Variants in COIL observed in about 807,000 individuals in gnomAD.
COIL encodes coilin.
Under a neutral mutation model 51.6 loss-of-function variants are expected in COIL, and 28 were observed. That is an observed-to-expected ratio of 0.54 (90% confidence interval 0.40 to 0.74). The LOEUF is 0.74. COIL is among the 30% of genes least tolerant of loss of function. The pLI, the probability that COIL is intolerant of heterozygous loss-of-function variation, is 0.00. For missense variants in COIL, 667 were observed against 685.9 expected, an observed-to-expected ratio of 0.97 and a Z score of 0.31; for synonymous variants, 233 against 255.8, an observed-to-expected ratio of 0.91 and a Z score of 0.85.
intron 1 of COIL, among the ~76,000 whole-genome samples, chr17:56,960,535 AAT>A (rs1910571411): frequency 9.0e-6 from 1 of 111,370 alleles, no homozygotes. Flanking sequence ...AAAAAAAAAA[AAT>A]AATAATAAAA....
chr17:56,946,226 A>G (rs557349214), intron 5 of COIL, among the ~76,000 whole-genome samples: 5 of 152,284 alleles, frequency 3.3e-5, no homozygotes, highest in African/African-American at 1.2e-4. Flanking sequence ...ATAATCTTTT[A>G]TGAAATTATA....
rs1266588685 is a variant in COIL at position 56,950,375 on chromosome 17, T to C, written c.867A>G (p.Thr289=). The C allele has an allele frequency of 2.5e-6, 4 of 1,614,190 alleles. No individual in the cohort carries two copies. Among genetic ancestry groups the C allele is most frequent in the Non-Finnish European group, 3.4e-6 (4 of 1,180,036 alleles). The change falls in exon 2 of 7, where the codon ACA becomes ACG. Residue 289 remains threonine, a synonymous_variant. Transcript: ENST00000240316. ...LSKEEPSTKN[T]TADKLAIKLG... ...GTTTTATAGCCAGTTTGTCTGCAGT[T>C]GTATTTTTGGTAGAGGGTTCTTCCT...
At position 56,960,781 on chromosome 17, in the gene COIL, C is replaced by T. The variant is rs1910579963; in HGVS notation, c.239G>A (p.Cys80Tyr). The T allele has an allele frequency of 1.3e-6, 2 of 1,573,108 alleles. No homozygotes were observed. The highest frequency in any genetic ancestry group is 1.7e-6 in the Non-Finnish European group (2 of 1,160,920). Reference protein sequence around the residue: ...ESARLVRDNDCLRVKLEERGV... With the variant: ...ESARLVRDNDYLRVKLEERGV... Reference sequence around the variant, plus strand: ...CGCTCCCTGCGCCGCGCACCTGAGGCAGTCGTTGTCTCTCACAAGGCGCGC... The same window carrying T: ...CGCTCCCTGCGCCGCGCACCTGAGGTAGTCGTTGTCTCTCACAAGGCGCGC... The change falls in exon 1 of 7, where the codon TGC becomes TAC. Residue 80 changes from cysteine to tyrosine, a missense_variant. Transcript: ENST00000240316.
rs554792654 is a variant in COIL, at chr17:56,951,962, C to T, written c.246-966G>A. Reference sequence around the variant, plus strand: ...ATTACAGGCGCCTGCCACTATGCCTCGCTAATTTTTGTATTTTTAGTAGAG... The same window carrying T: ...ATTACAGGCGCCTGCCACTATGCCTTGCTAATTTTTGTATTTTTAGTAGAG... On this transcript the variant is annotated intron_variant, in intron 1 of 6. Coordinates refer to ENST00000240316, the MANE Select transcript of COIL (RefSeq NM_004645.3). The T allele has an allele frequency of 2.0e-3, 367 of 184,998 alleles. 1 individual carries two copies. The highest frequency in any genetic ancestry group is 8.2e-3 in the African/African-American group (342 of 41,734). 11.5% of individuals were successfully genotyped at this position (184,998 alleles called of 1,614,324 possible). A position where few individuals can be genotyped will look rare whatever the true frequency, so the allele number is the denominator to read the frequency against.
chr17:56,940,866 G>A (rs919007827), intron 6 of COIL, among the ~76,000 whole-genome samples: 1 of 152,126 alleles, frequency 6.6e-6, no homozygotes, highest in Non-Finnish European at 1.5e-5. Flanking sequence ...CGGGCGCGGT[G>A]GCTCACACGT....
chr17:56,946,727 T>C (rs1910256284), intron 4 of COIL, among the ~76,000 whole-genome samples: 1 of 152,210 alleles, frequency 6.6e-6, no homozygotes, highest in African/African-American at 2.4e-5. Context: ...GAAATATCTT[T>C]AGAGGCAAAA....
intron 1 of COIL, among the ~76,000 whole-genome samples, chr17:56,951,955 T>C (rs1024086074): frequency 6.6e-6 from 1 of 151,962 alleles, no homozygotes; most frequent in Non-Finnish European, 1.5e-5. Flanking sequence ...CGCCTGCCAC[T>C]ATGCCTCGCT....
intron 1 of COIL, among the ~76,000 whole-genome samples, chr17:56,955,481 C>T (rs985694147): frequency 6.6e-6 from 1 of 152,244 alleles, no homozygotes; most frequent in African/African-American, 2.4e-5. Flanking sequence ...GAAACACTGA[C>T]ATGCCCATCT....
At position 56,950,580 on chromosome 17, in the gene COIL, C is replaced by T; in HGVS notation, c.662G>A (p.Gly221Asp). The T allele has an allele frequency of 6.2e-7, 1 of 1,614,224 alleles. No individual in the cohort carries two copies. ...WANQRCSSPK[G>D]SARNSLVKAK... Reference sequence around the variant, plus strand: ...TTTAACAAGGCTGTTTCTAGCAGAACCTTTTGGAGAACTACATCTCTGATT... The same window carrying T: ...TTTAACAAGGCTGTTTCTAGCAGAATCTTTTGGAGAACTACATCTCTGATT... The change falls in exon 2 of 7, where the codon GGT becomes GAT. Residue 221 changes from glycine to aspartate, a missense_variant. By Grantham distance (94) the Gly-to-Asp change is moderately conservative (BLOSUM62 -1). Coordinates refer to ENST00000240316, the MANE Select transcript of COIL (RefSeq NM_004645.3).
intron 1 of COIL, among the ~76,000 whole-genome samples, chr17:56,953,271 C>T (rs545188461): frequency 1.5e-3 from 234 of 151,776 alleles, no homozygotes; most frequent in Non-Finnish European, 2.7e-3. Flanking sequence ...ATTAGCCAGG[C>T]GTGGTGGCGG....
At chr17:56,953,410 C>CAAAAAAAAAA (rs11382949) in intron 1 of COIL, among the ~76,000 whole-genome samples, 3 of 84,486 alleles carry the variant, frequency 3.6e-5, no homozygotes, top group African/African-American at 4.5e-5. Flanking sequence ...GACTCCGTCT[C>CAAAAAAAAAA]AAAAAAAAAA....
chr17:56,955,079 T>A (rs572743329), intron 1 of COIL, among the ~76,000 whole-genome samples: 1 of 152,230 alleles, frequency 6.6e-6, no homozygotes, highest in Non-Finnish European at 1.5e-5. Context: ...ACTTTTCTTT[T>A]TTCGAGATGG....
chr17:56,947,195 A>G (rs1439314410), intron 4 of COIL, among the ~76,000 whole-genome samples: 1 of 152,136 alleles, frequency 6.6e-6, no homozygotes, highest in African/African-American at 2.4e-5. Flanking sequence ...AGCACAGTCA[A>G]CAGTTTTTTT....
At position 56,950,826 on chromosome 17, in the gene COIL, T is replaced by C. The variant is rs1910354925; in HGVS notation, c.416A>G (p.Asn139Ser). The change falls in exon 2 of 7, where the codon AAT (asparagine) becomes AGT (serine). Residue 139 changes from asparagine (N) to serine (S), a missense_variant. Coordinates refer to ENST00000240316, the MANE Select transcript of COIL (RefSeq NM_004645.3). ...ATCCAAGACCTTCTCATTATTGTTA[T>C]TGTTCTCTCGACTCTTCCAATGCTT... ...SKKHWKSREN[N>S]NNNEKVLDLE... 2 of 1,614,026 alleles carry C rather than the reference T, an allele frequency of 1.2e-6. No individual in the cohort carries two copies. Among genetic ancestry groups the C allele is most frequent in the Non-Finnish European group, 1.7e-6 (2 of 1,180,050 alleles).
intron 1 of COIL, among the ~76,000 whole-genome samples, chr17:56,954,808 A>C (rs1219020051): frequency 6.8e-6 from 1 of 147,688 alleles, no homozygotes; most frequent in Non-Finnish European, 1.5e-5. Context: ...ATCTGGGAAG[A>C]AAAAAAAAAA....
intron 5 of COIL, among the ~76,000 whole-genome samples, chr17:56,943,663 A>G (rs986051717): frequency 6.6e-6 from 1 of 152,248 alleles, no homozygotes; most frequent in Non-Finnish European, 1.5e-5. Flanking sequence ...GTAATGGATC[A>G]TGACGCGTAT....
At position 56,950,672 on chromosome 17, in the gene COIL, T is replaced by TA. The variant is rs1399198260; in HGVS notation, c.569_570insT (p.Lys190AsnfsTer3). On this transcript the variant is annotated frameshift_variant, in exon 2 of 7. Coordinates refer to ENST00000240316, the MANE Select transcript of COIL (RefSeq NM_004645.3). LOFTEE classifies it high-confidence loss of function. ...TCTTAGCCTTTTTTTTATATTCACA[T>TA]TTCTCCTTTTTCTTTGGTGATTTTC... 3 of 1,610,198 alleles carry TA rather than the reference T, an allele frequency of 1.9e-6. No individual in the cohort carries two copies. Among genetic ancestry groups the TA allele is most frequent in the Middle Eastern group, 1.7e-4 (1 of 6,060 alleles).
Position 56,946,588 on chromosome 17 carries a change from C to CTTT in COIL, c.1489-80_1489-78dup. The CTTT allele has an allele frequency of 3.4e-6, 3 of 881,554 alleles. No individual in the cohort carries two copies. The South Asian group carries it at 5.0e-5, about 15-fold the overall frequency. The allele number at this position is 881,554 out of a possible 1,614,324, so 54.6% of individuals were successfully genotyped here. A position where few individuals can be genotyped will look rare whatever the true frequency, so the allele number is the denominator to read the frequency against. ...ATACTAAAAACCACTGAATTGTAGACTTTAAAATGGTTAAAATGTTGAATT... is the reference window on the plus strand; with the variant it reads ...ATACTAAAAACCACTGAATTGTAGACTTTTTTAAAATGGTTAAAATGTTGAATT... On this transcript the variant is annotated intron_variant, in intron 4 of 6. Coordinates refer to ENST00000240316, the MANE Select transcript of COIL (RefSeq NM_004645.3).
At chr17:56,958,976 G>A (rs1012206422) in intron 1 of COIL, among the ~76,000 whole-genome samples, 5 of 152,074 alleles carry the variant, frequency 3.3e-5, no homozygotes, top group South Asian at 2.1e-4. Context: ...AATATTCAAC[G>A]ACAAAGGGCA....
Sources: allele counts gnomAD v4.1 joint callset (sites outside exome capture counted in the v4.1 genomes callset), GRCh38; gene constraint gnomAD v4.1.1; transcripts MANE v1.5; gene names NCBI Gene and HGNC (gene_info 2026-07-23, HGNC 2026-07-21).